The following PLPP4 variants were observed in gnomAD, a reference collection of about 807,000 sequenced individuals.
PLPP4 encodes diacylglycerol pyrophosphate like 2.
PLPP4 carries 20 observed loss-of-function variants against 32.2 expected under a neutral mutation model. That is an observed-to-expected ratio of 0.62 (90% CI 0.44 to 0.90). The LOEUF (loss-of-function observed/expected upper bound fraction) is 0.90. Among genes scored for constraint, PLPP4 ranks in the 40% least tolerant of loss-of-function variants. The pLI is 0.00. For synonymous variants in PLPP4, 127 were observed against 133.0 expected (o/e 0.95, Z 0.31); for missense variants, 257 against 353.1 (o/e 0.73, Z 2.18).
chr10:120,589,304 T>C lies in PLPP4; in HGVS notation c.618T>C (p.Asp206=), dbSNP rs778818506. 14 of 1,614,052 alleles carry C rather than the reference T, an allele frequency of 8.7e-6. No homozygotes were observed. The highest frequency in any genetic ancestry group is 1.1e-5 in the Non-Finnish European group (13 of 1,180,014). The change falls in exon 7 of 7, where the codon GAT becomes GAC. Residue 206 remains aspartate (D), a splice_region_variant and synonymous_variant. Transcript: ENST00000398250. ...CCTGCTCTGCTGTTTCCTGCCTAGA[T>C]TCCTTTGTGGGTGGAGTCATCGGCC... ...RMCDYKHHWQ[D]SFVGGVIGLI...
intron 1 of PLPP4, among the ~76,000 whole-genome samples, chr10:120,499,540 C>G (rs921118711): frequency 1.3e-5 from 2 of 152,094 alleles, no homozygotes; most frequent in African/African-American, 4.8e-5. Flanking sequence ...CTCTGATCCA[C>G]TAGGTCTGGG....
intron 5 of PLPP4, among the ~76,000 whole-genome samples, chr10:120,564,831 A>G (rs1186474380): frequency 6.6e-6 from 1 of 151,950 alleles, no homozygotes; most frequent in Non-Finnish European, 1.5e-5. Flanking sequence ...TGTGTGCCCT[A>G]TATTTTATGT....
intron 2 of PLPP4, among the ~76,000 whole-genome samples, chr10:120,512,239 G>GT (rs1422651542): frequency 1.3e-5 from 2 of 152,230 alleles, no homozygotes; most frequent in Non-Finnish European, 2.9e-5. Flanking sequence ...TAACTCAGGA[G>GT]TGTTGCCCTT....
intron 3 of PLPP4, among the ~76,000 whole-genome samples, chr10:120,517,553 C>A (rs916123834): frequency 6.6e-6 from 1 of 152,190 alleles, no homozygotes; most frequent in East Asian, 1.9e-4. Context: ...CAGTGCTGTG[C>A]GGCTGATTCA....
chr10:120,517,222 G>A (rs4751787), intron 3 of PLPP4, among the ~76,000 whole-genome samples: 1 of 152,096 alleles, frequency 6.6e-6, no homozygotes, highest in Non-Finnish European at 1.5e-5. Context: ...AATGAGTTCA[G>A]CCCCACTGGG....
At chr10:120,557,600 A>T (rs534675353) in intron 5 of PLPP4, among the ~76,000 whole-genome samples, 1 of 152,320 alleles carries the variant, frequency 6.6e-6, no homozygotes, top group Non-Finnish European at 1.5e-5. Context: ...AGTTGTCACA[A>T]AAAAATGCTA....
intron 5 of PLPP4, among the ~76,000 whole-genome samples, chr10:120,565,983 TTTTAAAG>T (rs1461330354): frequency 3.9e-5 from 6 of 152,166 alleles, no homozygotes; most frequent in Non-Finnish European, 7.3e-5. Flanking sequence ...GTCTACTGAG[TTTTAAAG>T]TTTAATTACT....
At position 120,575,171 on chromosome 10, in the gene PLPP4, G is replaced by A. The variant is rs368639327; in HGVS notation, c.486G>A (p.Ala162=). 1.4e-5 allele frequency: 22 copies of A among 1,613,724 alleles called. No individual in the cohort carries two copies. Among genetic ancestry groups the A allele is most frequent in the Middle Eastern group, 1.6e-4 (1 of 6,084 alleles). Residue 162 remains alanine (A), a synonymous_variant, in exon 6 of 7, where the codon GCG becomes GCA. Transcript: ENST00000398250. ...TTGGCTTCACGACGTTCTACTTGGC[G>A]GGCAAGCTGCACTGCTTCACCGAGA... ...SGLGFTTFYL[A]GKLHCFTESG... is the part of the protein sequence containing the mutation.
intron 1 of PLPP4, among the ~76,000 whole-genome samples, chr10:120,486,688 A>G (rs1844473212): frequency 6.6e-6 from 1 of 152,184 alleles, no homozygotes; most frequent in Non-Finnish European, 1.5e-5. Flanking sequence ...CGTTTTTGCC[A>G]TTGCTTATTG....
intron 6 of PLPP4, among the ~76,000 whole-genome samples, chr10:120,578,675 A>G (rs1849338012): frequency 6.6e-6 from 1 of 152,216 alleles, no homozygotes; most frequent in Non-Finnish European, 1.5e-5. Flanking sequence ...CTCCAAATAT[A>G]CAAATCTATT....
intron 1 of PLPP4, among the ~76,000 whole-genome samples, chr10:120,503,233 A>C (rs182403618): frequency 5.3e-4 from 80 of 152,246 alleles, no homozygotes; most frequent in African/African-American, 1.8e-3. Flanking sequence ...TGCCCTCTCC[A>C]ACTGCATCTG....
chr10:120,577,859 A>G (rs1401675531), intron 6 of PLPP4, among the ~76,000 whole-genome samples: 1 of 152,152 alleles, frequency 6.6e-6, no homozygotes, highest in Admixed American at 6.5e-5. Context: ...ATTTTACCTG[A>G]GTTCCCCTTC....
intron 5 of PLPP4, among the ~76,000 whole-genome samples, chr10:120,526,370 A>G (rs919515999): frequency 6.6e-6 from 1 of 152,142 alleles, no homozygotes; most frequent in African/African-American, 2.4e-5. Flanking sequence ...AGGTTGAGTC[A>G]TAAAGCTAAT....
rs1233851948 is a variant in PLPP4 at position 120,590,112 on chromosome 10, C to T, written c.*610C>T. On this transcript the variant is annotated 3_prime_UTR_variant, in exon 7 of 7. Transcript: ENST00000398250. ...ATTAATAACTTCATGCACAGACTTC[C>T]ACCAAACACAATGAGCATGAAGATG... is the stretch of plus-strand genomic sequence containing the variant. Among the ~76,000 whole-genome samples the T allele has an allele frequency of 2.6e-5, 4 of 152,164 alleles. No individual in the cohort carries two copies. The highest frequency in any genetic ancestry group is 5.9e-5 in the Non-Finnish European group (4 of 68,034).
intron 5 of PLPP4, among the ~76,000 whole-genome samples, chr10:120,534,488 G>A (rs10788099): frequency 0.44 from 66,268 of 151,780 alleles, 14,655 homozygotes; most frequent in East Asian, 0.58. Context: ...GTTTATCATC[G>A]AATTTAGGAT....
At chr10:120,480,487 T>G (rs4237520) in intron 1 of PLPP4, among the ~76,000 whole-genome samples, 2 of 151,964 alleles carry the variant, frequency 1.3e-5, no homozygotes, top group African/African-American at 4.8e-5. Context: ...GCTAATATAT[T>G]GAATAATAGA....
At chr10:120,488,804 T>C (rs2133832996) in intron 1 of PLPP4, among the ~76,000 whole-genome samples, 1 of 152,300 alleles carries the variant, frequency 6.6e-6, no homozygotes, top group African/African-American at 2.4e-5. Flanking sequence ...TCAAAAATAG[T>C]CATAATGGAA....
At chr10:120,559,418 A>G (rs1255275642) in intron 5 of PLPP4, among the ~76,000 whole-genome samples, 1 of 152,124 alleles carries the variant, frequency 6.6e-6, no homozygotes, top group Non-Finnish European at 1.5e-5. Flanking sequence ...AAGAAAGAGT[A>G]CATACACATT....
intron 5 of PLPP4, among the ~76,000 whole-genome samples, chr10:120,528,910 A>AT (rs1846560435): frequency 6.6e-6 from 1 of 152,170 alleles, no homozygotes; most frequent in South Asian, 2.1e-4. Flanking sequence ...ATGTCTTAAA[A>AT]ATATAAGCAT....
Sources: allele counts gnomAD v4.1 joint callset (sites outside exome capture counted in the v4.1 genomes callset), GRCh38; gene constraint gnomAD v4.1.1; transcripts MANE v1.5; gene names NCBI Gene and HGNC (gene_info 2026-07-23, HGNC 2026-07-21).